TYW1: variants seen among roughly 807,000 people sequenced by gnomAD.
TYW1 encodes the protein tRNA-yW synthesizing protein 1 homolog.
A neutral mutation model predicts 96.2 loss-of-function variants in TYW1; 46 were observed. That is an observed-to-expected ratio of 0.48 (90% CI 0.38 to 0.61). The LOEUF is 0.61. Ranked by LOEUF, TYW1 falls within the 20% of genes least tolerant of loss-of-function variation. The probability of loss-of-function intolerance (pLI) is 0.00; values close to 1 mark genes in which losing one functional copy is unlikely to be tolerated. For missense variants in TYW1, 684 were observed against 909.6 expected (o/e 0.75, Z 3.19); for synonymous variants, 274 against 323.0 (o/e 0.85, Z 1.63).
At chr7:67,116,546 G>A (rs1440377982) in intron 12 of TYW1, among the ~76,000 whole-genome samples, 3 of 151,836 alleles carry the variant, frequency 2.0e-5, no homozygotes, top group African/African-American at 4.8e-5. Flanking sequence ...AAAATTAGCC[G>A]GGTATGGTGG....
At chr7:67,066,033 C>CACACACCCA (rs1554356615) in intron 9 of TYW1, among the ~76,000 whole-genome samples, 1 of 104,274 alleles carries the variant, frequency 9.6e-6, no homozygotes, top group African/African-American at 3.9e-5. Context: ...ACACACACAC[C>CACACACCCA]CACACCCCTA....
chr7:67,204,570 C>T (rs35346064), intron 15 of TYW1, among the ~76,000 whole-genome samples: 36,737 of 140,192 alleles, frequency 0.26, 4,758 homozygotes, highest in African/African-American at 0.31. Flanking sequence ...CTTTCTTCTT[C>T]CTTCTTCCTT....
intron 11 of TYW1, among the ~76,000 whole-genome samples, chr7:67,095,653 G>C (rs1796878934): frequency 6.8e-6 from 1 of 146,096 alleles, no homozygotes; most frequent in South Asian, 2.2e-4. Flanking sequence ...GCGAGACTCT[G>C]TCTCAAAAAC....
At chr7:67,086,948 C>T (rs1244216047) in intron 11 of TYW1, among the ~76,000 whole-genome samples, 1 of 152,036 alleles carries the variant, frequency 6.6e-6, no homozygotes, top group Non-Finnish European at 1.5e-5. Flanking sequence ...GCTAATGGGA[C>T]GATGACTGAG....
chr7:67,220,252 G>A (rs544695002), intron 15 of TYW1, among the ~76,000 whole-genome samples: 102 of 128,996 alleles, frequency 7.9e-4, no homozygotes, highest in African/African-American at 2.9e-3. Context: ...CACCCAGGCT[G>A]GAGTGCAGTG....
chr7:67,213,465 T>G (rs1801105863), intron 15 of TYW1, among the ~76,000 whole-genome samples: 1 of 152,246 alleles, frequency 6.6e-6, no homozygotes, highest in African/African-American at 2.4e-5. Flanking sequence ...TGAAAATATT[T>G]TCTCTTAGTC....
chr7:67,071,864 C>T (rs1353352667), intron 10 of TYW1, among the ~76,000 whole-genome samples: 2 of 152,096 alleles, frequency 1.3e-5, no homozygotes, highest in East Asian at 3.9e-4. Context: ...TCAAGTGATC[C>T]ACCCGCCTTG....
At chr7:67,203,957 T>G (rs1235760830) in intron 15 of TYW1, among the ~76,000 whole-genome samples, 1 of 152,258 alleles carries the variant, frequency 6.6e-6, no homozygotes, top group African/African-American at 2.4e-5. Flanking sequence ...TGGTATCTGA[T>G]GAAAAATTCT....
At chr7:67,147,503 G>T (rs1169502060) in intron 13 of TYW1, among the ~76,000 whole-genome samples, 2 of 151,998 alleles carry the variant, frequency 1.3e-5, no homozygotes, top group African/African-American at 2.4e-5. Context: ...GGAGTTCGTT[G>T]TACAGATTAT....
chr7:67,060,912 A>C (rs1227089961), intron 9 of TYW1, among the ~76,000 whole-genome samples: 1 of 152,160 alleles, frequency 6.6e-6, no homozygotes, highest in Admixed American at 6.6e-5. Flanking sequence ...TAAATCAGAC[A>C]TGAGGCTTGT....
At chr7:67,229,388 A>AG (rs1293659776) in intron 15 of TYW1, among the ~76,000 whole-genome samples, 2 of 138,342 alleles carry the variant, frequency 1.4e-5, no homozygotes, top group African/African-American at 5.7e-5. Flanking sequence ...AATTGCAAAA[A>AG]TTAGCTGGGC....
chr7:67,093,165 A>C (rs1462132246), intron 11 of TYW1, among the ~76,000 whole-genome samples: 1 of 151,984 alleles, frequency 6.6e-6, no homozygotes, highest in Non-Finnish European at 1.5e-5. Context: ...GACCTTGTCT[A>C]AAAAAAAGAA....
intron 13 of TYW1, among the ~76,000 whole-genome samples, chr7:67,137,762 T>C (rs1289173194): frequency 2.0e-5 from 3 of 151,948 alleles, no homozygotes; most frequent in African/African-American, 4.8e-5. Context: ...TGGAATGGAA[T>C]CTATAGGAGG....
chr7:67,059,486 A>G (rs773864467), intron 9 of TYW1, among the ~76,000 whole-genome samples: 1 of 151,384 alleles, frequency 6.6e-6, no homozygotes. Flanking sequence ...AAGATCAGTA[A>G]CAAGGGTGAC....
At chr7:67,212,797 A>G (rs1382089391) in intron 15 of TYW1, among the ~76,000 whole-genome samples, 1 of 152,010 alleles carries the variant, frequency 6.6e-6, no homozygotes, top group Non-Finnish European at 1.5e-5. Context: ...CTTATTTGCC[A>G]TCTGTGTATT....
At chr7:67,138,263 C>T (rs1191692428) in intron 13 of TYW1, among the ~76,000 whole-genome samples, 1 of 151,954 alleles carries the variant, frequency 6.6e-6, no homozygotes, top group Non-Finnish European at 1.5e-5. Flanking sequence ...CCAGAAATTA[C>T]CTTTTTAAAA....
At chr7:67,221,067 A>G (rs999775161) in intron 15 of TYW1, among the ~76,000 whole-genome samples, 36 of 152,314 alleles carry the variant, frequency 2.4e-4, no homozygotes, top group African/African-American at 8.7e-4. Flanking sequence ...TGGTTGTTGT[A>G]TCTATGAATG....
intron 15 of TYW1, among the ~76,000 whole-genome samples, chr7:67,207,681 C>CTTTTTTTTTTT (rs11286327): frequency 8.6e-5 from 10 of 116,576 alleles, no homozygotes; most frequent in South Asian, 2.7e-4. Flanking sequence ...TTTTGTTTGC[C>CTTTTTTTTTTT]TTTTTTTTTT....
intron 12 of TYW1, among the ~76,000 whole-genome samples, chr7:67,116,987 G>T (rs1242804025): frequency 6.6e-6 from 1 of 152,168 alleles, no homozygotes; most frequent in African/African-American, 2.4e-5. Flanking sequence ...GGAAGCATAG[G>T]TGTGACTCTG....
Sources: allele counts gnomAD v4.1 joint callset (sites outside exome capture counted in the v4.1 genomes callset), GRCh38; gene constraint gnomAD v4.1.1; transcripts MANE v1.5; gene names NCBI Gene and HGNC (gene_info 2026-07-23, HGNC 2026-07-21).